The following DMD variants were observed in gnomAD, a reference collection of about 807,000 sequenced individuals.
DMD encodes dystrophin.
DMD carries 63 observed loss-of-function variants against 330.1 expected under a neutral mutation model. The ratio of observed to expected loss-of-function variants is 0.19; its 90% CI spans 0.16 to 0.24. The LOEUF (loss-of-function observed/expected upper bound fraction) is 0.24. Among genes scored for constraint, DMD ranks in the 10% least tolerant of loss-of-function variants. DMD has a pLI of 1.00. For missense variants in DMD, 3,344 were observed against 2,684.1 expected, an observed-to-expected ratio of 1.25 and a Z score of -5.43; for synonymous variants, 1,223 against 959.8, an observed-to-expected ratio of 1.27 and a Z score of -5.07.
intron 63 of DMD, among the ~76,000 whole-genome samples, chrX:31,245,500 T>C (rs11095203): frequency 0.044 from 4,867 of 111,844 alleles, 134 homozygotes; most frequent in Non-Finnish European, 0.067. Context: ...TCTCATTAAA[T>C]TGCACTTTGC....
chrX:32,630,323 A>T (rs972926385), intron 11 of DMD, among the ~76,000 whole-genome samples: 2 of 105,390 alleles, frequency 1.9e-5, no homozygotes, highest in African/African-American at 3.4e-5. Flanking sequence ...TTTCTATGTG[A>T]TTTTTTTTTT....
At chrX:33,318,051 G>A (rs1487184932) in intron 1 of DMD, among the ~76,000 whole-genome samples, 1 of 111,101 alleles carries the variant, frequency 9.0e-6, no homozygotes, top group Non-Finnish European at 1.9e-5. Flanking sequence ...TTACTGTGCT[G>A]ATTAAGTGGA....
intron 1 of DMD, among the ~76,000 whole-genome samples, chrX:33,231,282 T>C (rs982171682): frequency 7.2e-5 from 8 of 111,516 alleles, no homozygotes; most frequent in Non-Finnish European, 1.5e-4. Context: ...GTCGTTCCAA[T>C]TTCTTCAACC....
chrX:31,401,542 C>A (rs2061193303), intron 60 of DMD, among the ~76,000 whole-genome samples: 1 of 111,331 alleles, frequency 9.0e-6, no homozygotes, highest in Non-Finnish European at 1.9e-5. Context: ...TCATTTAATT[C>A]TCATAACAAC....
chrX:32,042,026 CATATATATATATATATATATATATAT>C lies in DMD; in HGVS notation c.6439-73538_6439-73513del, dbSNP rs57983190. ...CTCCCTCTCTCTCTCTCTCTCTGTT[CATATATATATATATATATATATATAT>C]ATATATATATATATGTACACATATA... On this transcript the variant is annotated intron_variant, in intron 44 of 78. Coordinates refer to ENST00000357033, the MANE Select transcript of DMD (RefSeq NM_004006.3). Among the ~76,000 whole-genome samples, 20 of 40,463 alleles carry C rather than the reference CATATATATATATATATATATATATAT, an allele frequency of 4.9e-4. No individual in the cohort carries two copies. The South Asian group carries it at 6.4e-3, about 13-fold the overall frequency. 35.1% of individuals were successfully genotyped at this position (40,463 alleles called of 115,157 possible).
At chrX:32,157,906 G>A (rs1235102056) in intron 44 of DMD, among the ~76,000 whole-genome samples, 2 of 112,022 alleles carry the variant, frequency 1.8e-5, no homozygotes, top group Non-Finnish European at 3.8e-5. Context: ...CAGACCTGCT[G>A]TTCATATTTT....
At chrX:32,511,554 A>G (rs1261359172) in intron 18 of DMD, among the ~76,000 whole-genome samples, 1 of 107,874 alleles carries the variant, frequency 9.3e-6, no homozygotes, top group Non-Finnish European at 1.9e-5. Context: ...AAAAGAAAAG[A>G]AAGTCATTAA....
chrX:32,714,981 A>G (rs776387917), intron 7 of DMD, among the ~76,000 whole-genome samples: 12 of 111,252 alleles, frequency 1.1e-4, no homozygotes, highest in Non-Finnish European at 2.1e-4. Flanking sequence ...CTACTCATTT[A>G]GTAAAAATTC....
At chrX:31,267,526 A>C (rs2051280405) in intron 62 of DMD, among the ~76,000 whole-genome samples, 2 of 112,132 alleles carry the variant, frequency 1.8e-5, no homozygotes, top group South Asian at 3.8e-4. Flanking sequence ...CTTCTTAGAA[A>C]TGAAAATTCC....
At chrX:32,608,553 G>A (rs1398614299) in intron 12 of DMD, among the ~76,000 whole-genome samples, 1 of 110,608 alleles carries the variant, frequency 9.0e-6, no homozygotes, top group East Asian at 2.8e-4. Flanking sequence ...CCACTTTACA[G>A]ATGTATTTTT....
intron 1 of DMD, among the ~76,000 whole-genome samples, chrX:33,153,764 G>A (rs1246876930): frequency 8.9e-6 from 1 of 112,137 alleles, no homozygotes; most frequent in Non-Finnish European, 1.9e-5. Context: ...CATCAATCAA[G>A]GTTTATCTAT....
chrX:31,812,132 A>G (rs2092477232), intron 50 of DMD, among the ~76,000 whole-genome samples: 1 of 109,882 alleles, frequency 9.1e-6, no homozygotes, highest in East Asian at 2.9e-4. Context: ...CTGCCTAGAT[A>G]TTTAAAGTAT....
At chrX:32,656,047 T>C (rs1429088212) in intron 9 of DMD, among the ~76,000 whole-genome samples, 1 of 111,790 alleles carries the variant, frequency 8.9e-6, no homozygotes, top group Non-Finnish European at 1.9e-5. Context: ...CCAATATGTA[T>C]CTTTCTTCAC....
At chrX:32,527,743 G>T (rs187073638) in intron 17 of DMD, among the ~76,000 whole-genome samples, 1 of 110,757 alleles carries the variant, frequency 9.0e-6, no homozygotes, top group African/African-American at 3.3e-5. Flanking sequence ...TATATTTTTG[G>T]AATTACAGAA....
At chrX:32,842,262 G>C (rs2080227302) in intron 4 of DMD, among the ~76,000 whole-genome samples, 1 of 112,386 alleles carries the variant, frequency 8.9e-6, no homozygotes, top group Non-Finnish European at 1.9e-5. Flanking sequence ...TAGCCTTGTG[G>C]TTGGGCTCCT....
intron 7 of DMD, among the ~76,000 whole-genome samples, chrX:32,777,409 A>G (rs185852349): frequency 0.034 from 3,670 of 109,381 alleles, 164 homozygotes; most frequent in African/African-American, 0.12. Flanking sequence ...CAAGTATGGA[A>G]TTTCTCAGAA....
Position 31,380,284 on chromosome X carries a change from G to T in DMD, c.9085-31650C>A, listed in dbSNP as rs139072155. On this transcript the variant is annotated intron_variant, in intron 60 of 78. Coordinates refer to ENST00000357033, the MANE Select transcript of DMD (RefSeq NM_004006.3). Reference sequence around the variant, plus strand: ...TTAGGCCGAGACACTTTAACTAAATGATCTGCTTCCCTGACTATTCCTAGG... The same window carrying T: ...TTAGGCCGAGACACTTTAACTAAATTATCTGCTTCCCTGACTATTCCTAGG... Among the ~76,000 whole-genome samples the T allele has an allele frequency of 2.4e-3, 265 of 110,464 alleles. 3 individuals carry two copies. In the East Asian group the frequency reaches 0.027, roughly 11 times the overall value.
At chrX:31,273,504 T>A (rs1266478264) in intron 62 of DMD, among the ~76,000 whole-genome samples, 1 of 112,166 alleles carries the variant, frequency 8.9e-6, no homozygotes, top group South Asian at 3.7e-4. Context: ...AAAAAAATTT[T>A]AAATGCTAAT....
intron 2 of DMD, among the ~76,000 whole-genome samples, chrX:32,916,403 A>G (rs2087806669): frequency 8.9e-6 from 1 of 111,959 alleles, no homozygotes; most frequent in African/African-American, 3.2e-5. Context: ...AAAATTTACT[A>G]CTTGATTCCA....
Sources: gnomAD v4.1 joint callset for allele counts (sites outside exome capture counted in the v4.1 genomes callset) on GRCh38, gnomAD v4.1.1 for gene constraint, MANE v1.5 for transcripts, NCBI Gene and HGNC (gene_info 2026-07-23, HGNC 2026-07-21) for gene names.